Variants in ATP2B2 observed in about 807,000 individuals in gnomAD.
ATP2B2 encodes the protein plasma membrane calcium-transporting ATPase 2.
ATP2B2 carries 15 observed loss-of-function variants against 120.0 expected under a neutral mutation model. The ratio of observed to expected loss-of-function variants is 0.12; its 90% CI spans 0.08 to 0.19. ATP2B2 has a LOEUF of 0.19. ATP2B2 is among the 10% of genes least tolerant of loss of function. The pLI is 1.00. For synonymous variants in ATP2B2, 694 were observed against 700.3 expected, an observed-to-expected ratio of 0.99 and a Z score of 0.14; for missense variants, 1,045 against 1,719.8, an observed-to-expected ratio of 0.61 and a Z score of 6.94.
chr3:10,667,011 C>A (rs1461710179), intron 1 of ATP2B2, among the ~76,000 whole-genome samples: 1 of 152,224 alleles, frequency 6.6e-6, no homozygotes, highest in Non-Finnish European at 1.5e-5. Context: ...AGGGTCCAGG[C>A]AGAGTTCCCA....
At chr3:10,332,742 C>G (rs747052091) in intron 22 of ATP2B2, among the ~76,000 whole-genome samples, 2 of 152,128 alleles carry the variant, frequency 1.3e-5, no homozygotes, top group Non-Finnish European at 2.9e-5. Context: ...GGAGTCTGAC[C>G]TCTTGCCACG....
intron 1 of ATP2B2, among the ~76,000 whole-genome samples, chr3:10,472,894 A>G (rs2065068829): frequency 6.6e-6 from 1 of 152,204 alleles, no homozygotes; most frequent in Admixed American, 6.5e-5. Context: ...CTCATTTATC[A>G]TCTCAGTAGC....
At chr3:10,451,733 C>T (rs2064059457) in intron 1 of ATP2B2, among the ~76,000 whole-genome samples, 1 of 152,176 alleles carries the variant, frequency 6.6e-6, no homozygotes, top group South Asian at 2.1e-4. Context: ...GTGCTCCCAC[C>T]TACAATACTC....
intron 1 of ATP2B2, among the ~76,000 whole-genome samples, chr3:10,497,136 G>A (rs1026483954): frequency 6.6e-6 from 1 of 152,200 alleles, no homozygotes; most frequent in Non-Finnish European, 1.5e-5. Context: ...AAAATTGAGG[G>A]AAGACAGAAA....
intron 2 of ATP2B2, among the ~76,000 whole-genome samples, chr3:10,565,244 C>G (rs1009869341): frequency 1.3e-5 from 2 of 152,122 alleles, no homozygotes; most frequent in African/African-American, 2.4e-5. Flanking sequence ...TTCTACCCTG[C>G]TATTTGGAGG....
intron 14 of ATP2B2, 111 bp from the exon 15 acceptor site, chr3:10,350,688 C>T: frequency 8.6e-7 from 1 of 1,167,592 alleles, no homozygotes; most frequent in Non-Finnish European, 1.2e-6. Flanking sequence ...TGAAAGGGGA[C>T]TAGATGACTA....
chr3:10,521,444 A>G (rs1032778707), intron 3 of ATP2B2, among the ~76,000 whole-genome samples: 1 of 152,248 alleles, frequency 6.6e-6, no homozygotes, highest in African/African-American at 2.4e-5. Flanking sequence ...ACCCATAGCC[A>G]GTGGATAATG....
At chr3:10,574,604 T>C (rs904141006) in intron 2 of ATP2B2, among the ~76,000 whole-genome samples, 1 of 152,232 alleles carries the variant, frequency 6.6e-6, no homozygotes, top group African/African-American at 2.4e-5. Flanking sequence ...TTTTTCCTTA[T>C]CTCTAATTTA....
chr3:10,456,240 T>C (rs999711307), intron 1 of ATP2B2, among the ~76,000 whole-genome samples: 1 of 152,232 alleles, frequency 6.6e-6, no homozygotes, highest in East Asian at 1.9e-4. Flanking sequence ...CGTACATGAA[T>C]TATGTGCTAA....
chr3:10,348,976 C>G (rs978979331), intron 16 of ATP2B2, among the ~76,000 whole-genome samples: 2 of 152,248 alleles, frequency 1.3e-5, no homozygotes, highest in Admixed American at 1.3e-4. Context: ...CAGGCCAGAT[C>G]TGCTTCCATT....
chr3:10,470,190 G>C (rs2064924120), intron 1 of ATP2B2, among the ~76,000 whole-genome samples: 1 of 152,170 alleles, frequency 6.6e-6, no homozygotes, highest in African/African-American at 2.4e-5. Flanking sequence ...TAGCAGTTCG[G>C]AAAGTGACAA....
At chr3:10,575,716 C>T (rs2068229262) in intron 2 of ATP2B2, among the ~76,000 whole-genome samples, 2 of 152,162 alleles carry the variant, frequency 1.3e-5, no homozygotes, top group African/African-American at 4.8e-5. Context: ...AGAATTTCCC[C>T]TGGGCTGCTG....
chr3:10,646,637 C>T (rs2070328074), intron 1 of ATP2B2, among the ~76,000 whole-genome samples: 1 of 152,070 alleles, frequency 6.6e-6, no homozygotes, highest in African/African-American at 2.4e-5. Flanking sequence ...ACCCACCCAG[C>T]GGACATTCAA....
intron 1 of ATP2B2, among the ~76,000 whole-genome samples, chr3:10,471,420 G>A (rs540351259): frequency 8.5e-5 from 13 of 152,066 alleles, no homozygotes; most frequent in East Asian, 1.9e-4. Context: ...GCACGTGTGC[G>A]TGCGTGTGCA....
At chr3:10,569,112 C>T (rs2068070010) in intron 2 of ATP2B2, among the ~76,000 whole-genome samples, 1 of 152,150 alleles carries the variant, frequency 6.6e-6, no homozygotes, top group Non-Finnish European at 1.5e-5. Context: ...ATGATCTGAG[C>T]TCACACTCCA....
intron 2 of ATP2B2, among the ~76,000 whole-genome samples, chr3:10,550,743 C>T (rs919003861): frequency 5.9e-5 from 9 of 152,342 alleles, no homozygotes; most frequent in African/African-American, 1.9e-4. Flanking sequence ...GGATCAATGT[C>T]ACCCCGGTCT....
chr3:10,577,009 A>G (rs1370238559), intron 2 of ATP2B2, among the ~76,000 whole-genome samples: 1 of 147,782 alleles, frequency 6.8e-6, no homozygotes, highest in African/African-American at 2.5e-5. Context: ...AGCCAAGATC[A>G]CCACTGCACT....
At chr3:10,417,242 C>A (rs1559311498) in intron 2 of ATP2B2, among the ~76,000 whole-genome samples, 1 of 151,362 alleles carries the variant, frequency 6.6e-6, no homozygotes, top group African/African-American at 2.4e-5. Context: ...GGCGGCCGGG[C>A]AGAGGGACTC....
At chr3:10,374,516 C>T (rs978263108) in intron 11 of ATP2B2, among the ~76,000 whole-genome samples, 3 of 152,238 alleles carry the variant, frequency 2.0e-5, no homozygotes, top group African/African-American at 7.2e-5. Flanking sequence ...GTGAATGCCT[C>T]GTTTATAAAC....
Sources: gnomAD v4.1 joint callset for allele counts (sites outside exome capture counted in the v4.1 genomes callset) on GRCh38, gnomAD v4.1.1 for gene constraint, MANE v1.5 for transcripts, NCBI Gene and HGNC (gene_info 2026-07-23, HGNC 2026-07-21) for gene names.